The following WDR7 variants were observed in gnomAD, a reference collection of about 807,000 sequenced individuals.
WDR7 encodes the protein WD repeat domain 7, also known as WD repeat-containing protein 7.
Under a neutral mutation model 169.4 loss-of-function variants are expected in WDR7, and 46 were observed. The observed-to-expected ratio is 0.27, with a 90% confidence interval of 0.21 to 0.35. The LOEUF is 0.35. Among genes scored for constraint, WDR7 ranks in the 10% least tolerant of loss-of-function variants. The pLI, the probability that WDR7 is intolerant of heterozygous loss-of-function variation, is 1.00. For synonymous variants in WDR7, 612 were observed against 666.8 expected (o/e 0.92, Z 1.27); for missense variants, 1,534 against 1,859.3 (o/e 0.83, Z 3.22).
intron 12 of WDR7, among the ~76,000 whole-genome samples, chr18:56,708,333 C>T (rs1218567776): frequency 1.3e-5 from 2 of 151,890 alleles, no homozygotes; most frequent in African/African-American, 4.8e-5. Context: ...CATGCCTGGC[C>T]CAGTGTTTAT....
intron 19 of WDR7, among the ~76,000 whole-genome samples, chr18:56,807,985 G>C (rs1378398415): frequency 6.6e-6 from 1 of 152,128 alleles, no homozygotes; most frequent in Non-Finnish European, 1.5e-5. Flanking sequence ...TGGATACTGT[G>C]TCTTTAATGG....
intron 26 of WDR7, among the ~76,000 whole-genome samples, chr18:56,987,593 G>T (rs769104499): frequency 1.1e-4 from 16 of 152,148 alleles, no homozygotes; most frequent in Admixed American, 3.9e-4. Flanking sequence ...TATGGCAGTT[G>T]TTTATAAAAA....
intron 25 of WDR7, among the ~76,000 whole-genome samples, chr18:56,943,446 G>A (rs1372539687): frequency 1.3e-5 from 2 of 151,804 alleles, no homozygotes; most frequent in East Asian, 1.9e-4. Context: ...TTCGGTTGCT[G>A]TGGTTGACAG....
intron 26 of WDR7, among the ~76,000 whole-genome samples, chr18:57,006,030 T>C (rs1437069): frequency 0.63 from 95,383 of 152,156 alleles, 30,497 homozygotes; most frequent in Middle Eastern, 0.73. Flanking sequence ...CCTTCTCATA[T>C]ACTTACTCCT....
chr18:56,749,158 A>G (rs370158946), intron 14 of WDR7, among the ~76,000 whole-genome samples: 10 of 151,946 alleles, frequency 6.6e-5, no homozygotes, highest in East Asian at 5.8e-4. Flanking sequence ...TATTCAATAA[A>G]TATACTAAAT....
At chr18:56,975,245 G>T (rs879464205) in intron 26 of WDR7, among the ~76,000 whole-genome samples, 4 of 152,008 alleles carry the variant, frequency 2.6e-5, no homozygotes, top group Non-Finnish European at 5.9e-5. Flanking sequence ...CGGGGGTAGT[G>T]GGGCAAAGGG....
intron 26 of WDR7, among the ~76,000 whole-genome samples, chr18:56,987,303 A>G (rs918120014): frequency 6.7e-6 from 1 of 149,744 alleles, no homozygotes; most frequent in Non-Finnish European, 1.5e-5. Context: ...AAAAAAAAAA[A>G]AAAAAAAAGG....
chr18:56,787,300 A>G (rs1190665477), intron 19 of WDR7, among the ~76,000 whole-genome samples: 1 of 152,114 alleles, frequency 6.6e-6, no homozygotes, highest in Non-Finnish European at 1.5e-5. Context: ...TATTTCTTGT[A>G]CGTTGTATTC....
At chr18:56,728,262 GAA>G (rs1456851475) in intron 13 of WDR7, among the ~76,000 whole-genome samples, 1 of 152,168 alleles carries the variant, frequency 6.6e-6, no homozygotes, top group Non-Finnish European at 1.5e-5. Flanking sequence ...AGCATTTTGT[GAA>G]AAGATACTTT....
chr18:56,857,823 A>G (rs1599105996), intron 20 of WDR7, among the ~76,000 whole-genome samples: 1 of 152,170 alleles, frequency 6.6e-6, no homozygotes. Flanking sequence ...ACCGCCAGCT[A>G]GCAGACCTGC....
At chr18:56,796,184 G>T (rs1276276807) in intron 19 of WDR7, among the ~76,000 whole-genome samples, 2 of 152,162 alleles carry the variant, frequency 1.3e-5, no homozygotes, top group Admixed American at 1.3e-4. Flanking sequence ...GGTGGAATTT[G>T]TTGGATAGCT....
At chr18:56,942,755 C>T (rs986773556) in intron 25 of WDR7, among the ~76,000 whole-genome samples, 22 of 152,240 alleles carry the variant, frequency 1.4e-4, no homozygotes, top group African/African-American at 5.3e-4. Flanking sequence ...TAAGTAAGGA[C>T]TTACTGTATT....
chr18:56,663,603 A>G (rs2024952967), intron 1 of WDR7, among the ~76,000 whole-genome samples: 3 of 151,782 alleles, frequency 2.0e-5, no homozygotes, highest in Non-Finnish European at 4.4e-5. Flanking sequence ...AAACACACAT[A>G]TATGCACAGC....
At chr18:56,803,137 C>G (rs987593047) in intron 19 of WDR7, among the ~76,000 whole-genome samples, 1 of 152,112 alleles carries the variant, frequency 6.6e-6, no homozygotes, top group African/African-American at 2.4e-5. Context: ...CCATCTTATT[C>G]TTATCTATAA....
In WDR7 at chr18:56,802,218, A is replaced by G. The variant is rs575907940; in HGVS notation, c.3191-13813A>G. Among the ~76,000 whole-genome samples, 159 of 152,296 alleles carry G rather than the reference A, an allele frequency of 1.0e-3. 1 individual carries two copies. The highest frequency in any genetic ancestry group is 3.6e-3 in the African/African-American group (151 of 41,560). On this transcript the variant is annotated intron_variant, in intron 19 of 27. Coordinates refer to ENST00000254442, the MANE Select transcript of WDR7 (RefSeq NM_015285.3). The stretch of plus-strand genomic sequence containing the variant: ...TTTCCTTAATGACTAATAATGTTGA[A>G]CATACTTTCATATGATTATTTGCCA...
At chr18:56,752,156 C>T (rs2144912652) in intron 14 of WDR7, among the ~76,000 whole-genome samples, 1 of 152,270 alleles carries the variant, frequency 6.6e-6, no homozygotes, top group Non-Finnish European at 1.5e-5. Context: ...TGATATCAGG[C>T]CCAGGAAGCT....
chr18:56,753,069 C>G (rs532427089), intron 14 of WDR7, among the ~76,000 whole-genome samples: 66 of 152,176 alleles, frequency 4.3e-4, no homozygotes, highest in Non-Finnish European at 7.8e-4. Flanking sequence ...GGATTTTATC[C>G]TTGGGTTCAA....
rs575507373 is a variant in WDR7 at position 56,818,186 on chromosome 18, G to A, written c.3304+2042G>A. 9.1e-4 allele frequency among the ~76,000 whole-genome samples: 138 copies of A among 152,266 alleles called. 5 individuals are homozygous for A. In the South Asian group the frequency reaches 0.028, roughly 30 times the overall value. ...ATAAAAAGTAGTTGTTTAAGTCATA[G>A]CAAAAATAAATTTGCCTTTGCAATA... On this transcript the variant is annotated intron_variant, in intron 20 of 27. Transcript: ENST00000254442.
chr18:57,007,041 C>G (rs1410459052), intron 26 of WDR7, among the ~76,000 whole-genome samples: 1 of 150,954 alleles, frequency 6.6e-6, no homozygotes, highest in Non-Finnish European at 1.5e-5. Context: ...GTGCAGTGGC[C>G]CAATCTCAGC....
Sources: gnomAD v4.1 joint callset for allele counts (sites outside exome capture counted in the v4.1 genomes callset) on GRCh38, gnomAD v4.1.1 for gene constraint, MANE v1.5 for transcripts, NCBI Gene and HGNC (gene_info 2026-07-23, HGNC 2026-07-21) for gene names.